Variants in SNX9 observed in about 807,000 individuals in gnomAD.
SNX9 encodes the protein sorting nexin-9.
In SNX9, 44 loss-of-function variants were observed where a neutral mutation model predicts 89.4. The observed-to-expected ratio is 0.49, with a 90% CI of 0.39 to 0.63. The LOEUF (loss-of-function observed/expected upper bound fraction) is 0.63. Among genes scored for constraint, SNX9 ranks in the 30% least tolerant of loss-of-function variants. The pLI is 0.00. For synonymous variants in SNX9, 236 were observed against 247.8 expected (o/e 0.95, Z 0.45); for missense variants, 578 against 736.1 (o/e 0.79, Z 2.49).
At chr6:157,872,379 T>C (rs1160221341) in intron 2 of SNX9, among the ~76,000 whole-genome samples, 3 of 152,188 alleles carry the variant, frequency 2.0e-5, no homozygotes, top group Non-Finnish European at 4.4e-5. Flanking sequence ...CAGTTCACTT[T>C]TTCTGCATAA....
intron 6 of SNX9, among the ~76,000 whole-genome samples, chr6:157,905,709 G>C (rs1370307609): frequency 2.0e-5 from 3 of 152,228 alleles, no homozygotes; most frequent in African/African-American, 7.2e-5. Flanking sequence ...GAGAGAGCCT[G>C]TTGAAAGGCA....
chr6:157,880,178 C>T (rs1241263422), intron 4 of SNX9, among the ~76,000 whole-genome samples: 4 of 152,194 alleles, frequency 2.6e-5, no homozygotes, highest in African/African-American at 9.7e-5. Flanking sequence ...AGTGCGGCTC[C>T]ACTGTGTAAG....
chr6:157,829,920 G>A (rs2115103983), intron 1 of SNX9, among the ~76,000 whole-genome samples: 1 of 152,250 alleles, frequency 6.6e-6, no homozygotes, highest in Non-Finnish European at 1.5e-5. Flanking sequence ...TCCCAACTTT[G>A]TGGAAGGTTT....
At chr6:157,908,614 A>T (rs1216325479) in intron 7 of SNX9, among the ~76,000 whole-genome samples, 1 of 152,176 alleles carries the variant, frequency 6.6e-6, no homozygotes, top group Non-Finnish European at 1.5e-5. Flanking sequence ...GAGCTCCAGC[A>T]TCCAGGTTCC....
rs1029283457 is a variant in SNX9 at position 157,823,899 on chromosome 6, G to A, written c.12+453G>A. On this transcript the variant is annotated intron_variant, in intron 1 of 17. Coordinates refer to ENST00000392185, the MANE Select transcript of SNX9 (RefSeq NM_016224.5). This position sits in a 1 kb window ranked among gnomAD's most constrained non-coding sequence, Gnocchi z 4.6. ...CCTCGCCCCCGCGGGGCGGGTGGGG[G>A]TCGAGACCTCGGCGGAGAGGACGCG... Among the ~76,000 whole-genome samples the A allele has an allele frequency of 2.6e-5, 4 of 151,928 alleles. No homozygotes were observed. The highest frequency in any genetic ancestry group is 4.4e-5 in the Non-Finnish European group (3 of 67,972).
At chr6:157,915,612 C>G (rs1783443581) in intron 9 of SNX9, among the ~76,000 whole-genome samples, 1 of 106,408 alleles carries the variant, frequency 9.4e-6, no homozygotes, top group Non-Finnish European at 1.9e-5. Context: ...ATGGCAAAAC[C>G]CCATCTCTAC....
At chr6:157,907,781 CAG>C (rs1297607421) in intron 7 of SNX9, among the ~76,000 whole-genome samples, 1 of 152,098 alleles carries the variant, frequency 6.6e-6, no homozygotes, top group Non-Finnish European at 1.5e-5. Flanking sequence ...CCAGAGAAAG[CAG>C]AGACTAACTC....
chr6:157,875,583 A>G (rs905199868), intron 4 of SNX9, among the ~76,000 whole-genome samples: 3 of 152,042 alleles, frequency 2.0e-5, no homozygotes, highest in African/African-American at 7.2e-5. Flanking sequence ...TGTTGCTTAC[A>G]CTCTCAGAGC....
Position 157,875,229 on chromosome 6 carries a change from G to GTA in SNX9, c.300+55_300+56dup, listed in dbSNP as rs1782495897. 3.6e-5 allele frequency: 57 copies of GTA among 1,567,374 alleles called. 1 individual carries two copies. In the South Asian group the frequency reaches 6.2e-4, roughly 17 times the overall value. ...TGGCTGGCTTTACGGAAAACAGAGC[G>GTA]TATTTGTGAAGGCTTGTGATGCATT... On this transcript the variant is annotated intron_variant, in intron 4 of 17. Transcript: ENST00000392185.
At chr6:157,909,072 G>A (rs536012889) in intron 7 of SNX9, among the ~76,000 whole-genome samples, 57 of 152,158 alleles carry the variant, frequency 3.7e-4, no homozygotes, top group African/African-American at 1.3e-3. Context: ...CTTGCCACTA[G>A]TAGTAAAACA....
chr6:157,857,947 G>A (rs1194632352), intron 1 of SNX9, among the ~76,000 whole-genome samples: 1 of 152,128 alleles, frequency 6.6e-6, no homozygotes, highest in African/African-American at 2.4e-5. Flanking sequence ...ACAATGCGTG[G>A]TTCTTGTGGT....
intron 1 of SNX9, among the ~76,000 whole-genome samples, chr6:157,849,188 G>A (rs1781861302): frequency 1.3e-5 from 2 of 152,334 alleles, no homozygotes; most frequent in African/African-American, 4.8e-5. Flanking sequence ...GGCCACGGAG[G>A]TGTTCAGGGT....
chr6:157,932,300 G>A, intron 13 of SNX9, 28 bp downstream of exon 13: 2 of 1,595,934 alleles, frequency 1.3e-6, no homozygotes, highest in Non-Finnish European at 1.7e-6. Context: ...CATCCAGTGG[G>A]CCTTTAGAGC....
At chr6:157,885,056 A>G (rs990480827) in intron 4 of SNX9, 3 of 152,220 alleles carry the variant, frequency 2.0e-5, no homozygotes, top group African/African-American at 7.2e-5. Flanking sequence ...ACTTTGAGCT[A>G]TCTGAGTAAG....
chr6:157,928,543 C>A, intron 11 of SNX9, 56 bp from the exon 12 acceptor site: 1 of 1,384,590 alleles, frequency 7.2e-7, no homozygotes, highest in Non-Finnish European at 1.0e-6. Flanking sequence ...CCCGAGTATC[C>A]CCACAGCAGT....
intron 1 of SNX9, among the ~76,000 whole-genome samples, chr6:157,834,208 G>GC (rs1470033510): frequency 9.5e-6 from 1 of 105,198 alleles, no homozygotes; most frequent in Non-Finnish European, 1.8e-5. Flanking sequence ...CTCTTCTGTT[G>GC]CCCAGGCTGA....
At chr6:157,897,918 T>C (rs1783013929) in intron 5 of SNX9, among the ~76,000 whole-genome samples, 1 of 152,192 alleles carries the variant, frequency 6.6e-6, no homozygotes, top group Non-Finnish European at 1.5e-5. Flanking sequence ...TTGGTCCTTC[T>C]GTTGACCAGC....
chr6:157,932,492 T>C (rs750736334), intron 13 of SNX9, among the ~76,000 whole-genome samples: 14 of 152,204 alleles, frequency 9.2e-5, no homozygotes, highest in Non-Finnish European at 1.9e-4. Flanking sequence ...GCTAGCTCGT[T>C]TGCCTTTTTT....
At chr6:157,925,669 C>G (rs776455130) in intron 10 of SNX9, among the ~76,000 whole-genome samples, 5 of 151,964 alleles carry the variant, frequency 3.3e-5, no homozygotes, top group Non-Finnish European at 7.4e-5. Flanking sequence ...GACTGTAGTT[C>G]CTAAGCAAGA....
Sources: allele counts gnomAD v4.1 joint callset (sites outside exome capture counted in the v4.1 genomes callset), GRCh38; gene constraint gnomAD v4.1.1; non-coding constraint Gnocchi (gnomAD v3.1); transcripts MANE v1.5; gene names NCBI Gene and HGNC (gene_info 2026-07-23, HGNC 2026-07-21).